The following ASIC2 variants were observed in gnomAD, a reference collection of about 807,000 sequenced individuals.
ASIC2 encodes acid sensing ion channel subunit 2.
ASIC2 carries 25 observed loss-of-function variants against 57.3 expected under a neutral mutation model. The observed-to-expected ratio is 0.44, with a 90% CI of 0.32 to 0.61. The LOEUF is 0.61. ASIC2 is among the 20% of genes least tolerant of loss of function. ASIC2 has a pLI of 0.06. For missense variants in ASIC2, 641 were observed against 738.1 expected, an observed-to-expected ratio of 0.87 and a Z score of 1.52; for synonymous variants, 319 against 307.5, an observed-to-expected ratio of 1.04 and a Z score of -0.39.
chr17:33,701,377 C>T (rs755733640), intron 1 of ASIC2, among the ~76,000 whole-genome samples: 58 of 152,084 alleles, frequency 3.8e-4, no homozygotes, highest in East Asian at 1.2e-3. Context: ...ACAGCCATAC[C>T]GGACTACAAT....
At chr17:33,040,768 G>C (rs1333774780) in intron 3 of ASIC2, among the ~76,000 whole-genome samples, 2 of 152,194 alleles carry the variant, frequency 1.3e-5, no homozygotes, top group Non-Finnish European at 2.9e-5. Flanking sequence ...TAGTCAAAAG[G>C]AGTGTTCAGC....
At chr17:33,492,089 T>C (rs1913778260) in intron 1 of ASIC2, among the ~76,000 whole-genome samples, 1 of 152,218 alleles carries the variant, frequency 6.6e-6, no homozygotes, top group Non-Finnish European at 1.5e-5. Context: ...GTCCTAGATC[T>C]CTTGCCAAAA....
intron 1 of ASIC2, among the ~76,000 whole-genome samples, chr17:33,864,122 C>T (rs545435818): frequency 2.2e-4 from 34 of 152,096 alleles, no homozygotes; most frequent in African/African-American, 7.0e-4. Context: ...AGGGTGGTCT[C>T]GAATTCCTGA....
At chr17:34,134,842 T>G (rs907723775) in intron 1 of ASIC2, among the ~76,000 whole-genome samples, 3 of 152,228 alleles carry the variant, frequency 2.0e-5, no homozygotes, top group Non-Finnish European at 2.9e-5. Flanking sequence ...CTCCTTACTC[T>G]GAATCCTGGG....
chr17:33,186,037 G>A (rs1047241235), intron 1 of ASIC2, among the ~76,000 whole-genome samples: 6 of 152,178 alleles, frequency 3.9e-5, no homozygotes, highest in African/African-American at 1.4e-4. Flanking sequence ...AAAAGTAATT[G>A]CGGTTTTTGC....
intron 1 of ASIC2, among the ~76,000 whole-genome samples, chr17:33,505,294 AAG>A (rs1367920041): frequency 5.9e-5 from 9 of 151,954 alleles, no homozygotes; most frequent in African/African-American, 2.2e-4. Context: ...CTGGAAGAGA[AAG>A]AGCATTTTCA....
intron 1 of ASIC2, among the ~76,000 whole-genome samples, chr17:33,843,632 T>G (rs1035922573): frequency 3.9e-5 from 6 of 152,190 alleles, no homozygotes; most frequent in African/African-American, 1.4e-4. Context: ...TGCAGAGAAG[T>G]AGTTGCAAAT....
intron 1 of ASIC2, among the ~76,000 whole-genome samples, chr17:33,741,138 G>A (rs1910100152): frequency 6.6e-6 from 1 of 152,198 alleles, no homozygotes; most frequent in South Asian, 2.1e-4. Flanking sequence ...GAGGCACAGA[G>A]AGTGACTGCC....
chr17:33,799,470 CTTT>C (rs1912060301), intron 1 of ASIC2, among the ~76,000 whole-genome samples: 1 of 130,894 alleles, frequency 7.6e-6, no homozygotes, highest in Non-Finnish European at 1.6e-5. Flanking sequence ...TTCTTTCTTT[CTTT>C]CTTTCCTTCT....
Position 33,131,209 on chromosome 17 carries a change from C to T in ASIC2, c.709-19142G>A, listed in dbSNP as rs547420398. On this transcript the variant is annotated intron_variant, in intron 1 of 9. Coordinates refer to ENST00000225823, the MANE Select transcript of ASIC2 (RefSeq NM_183377.2). ...CAAACGCCAGCTACCACTGGAGGCT[C>T]ATATTTCTGGGATGGCTAAGGGATG... Among the ~76,000 whole-genome samples the T allele has an allele frequency of 3.9e-5, 6 of 152,228 alleles. No homozygotes were observed. The East Asian group carries it at 1.2e-3, about 29-fold the overall frequency.
intron 1 of ASIC2, among the ~76,000 whole-genome samples, chr17:33,455,018 C>G (rs1369359973): frequency 6.6e-6 from 1 of 152,176 alleles, no homozygotes; most frequent in Non-Finnish European, 1.5e-5. Context: ...ACAATAGCAG[C>G]GATATACACA....
intron 1 of ASIC2, chr17:33,580,152 C>G (rs915888632): frequency 3.3e-5 from 5 of 152,178 alleles, no homozygotes; most frequent in African/African-American, 9.7e-5. Flanking sequence ...AAGTTGACCA[C>G]CAGACCACTT....
At chr17:33,932,503 T>C (rs1915952011) in intron 1 of ASIC2, 2 of 151,388 alleles carry the variant, frequency 1.3e-5, no homozygotes, top group African/African-American at 4.9e-5. Flanking sequence ...CACCTGAAGT[T>C]GGGAGTTCGA....
At chr17:33,755,353 A>G (rs1910564858) in intron 1 of ASIC2, among the ~76,000 whole-genome samples, 1 of 152,222 alleles carries the variant, frequency 6.6e-6, no homozygotes, top group Non-Finnish European at 1.5e-5. Context: ...CTAGAGCCAT[A>G]AGACCCTATG....
chr17:33,612,527 G>A (rs900934942), intron 1 of ASIC2, among the ~76,000 whole-genome samples: 1 of 152,242 alleles, frequency 6.6e-6, no homozygotes, highest in African/African-American at 2.4e-5. Context: ...GCTTGGAGCA[G>A]AGAGTATCAG....
intron 1 of ASIC2, among the ~76,000 whole-genome samples, chr17:33,642,481 C>T (rs1906605798): frequency 6.6e-6 from 1 of 152,210 alleles, no homozygotes; most frequent in Non-Finnish European, 1.5e-5. Flanking sequence ...CCACAGTCAG[C>T]ACAATGCCTG....
At chr17:33,669,913 A>G (rs2142050548) in intron 1 of ASIC2, among the ~76,000 whole-genome samples, 1 of 152,296 alleles carries the variant, frequency 6.6e-6, no homozygotes, top group Middle Eastern at 3.4e-3. Flanking sequence ...TAGCGAGAGG[A>G]CAGAAGTGCA....
At chr17:34,084,305 C>T (rs1169577222) in intron 1 of ASIC2, among the ~76,000 whole-genome samples, 1 of 152,148 alleles carries the variant, frequency 6.6e-6, no homozygotes, top group African/African-American at 2.4e-5. Flanking sequence ...ATAGGGAATC[C>T]TTTCCCCATT....
At chr17:34,141,663 C>G (rs886520982) in intron 1 of ASIC2, among the ~76,000 whole-genome samples, 7 of 152,194 alleles carry the variant, frequency 4.6e-5, no homozygotes, top group Admixed American at 2.0e-4. Context: ...ACTCATAACC[C>G]TGGAGATTGG....
Sources: gnomAD v4.1 joint callset for allele counts (sites outside exome capture counted in the v4.1 genomes callset) on GRCh38, gnomAD v4.1.1 for gene constraint, MANE v1.5 for transcripts, NCBI Gene and HGNC (gene_info 2026-07-23, HGNC 2026-07-21) for gene names.